Variants in ATP13A4 observed in about 807,000 individuals in gnomAD.
ATP13A4 encodes the protein probable cation-transporting ATPase 13A4.
Under a neutral mutation model 142.5 loss-of-function variants are expected in ATP13A4, and 114 were observed. The observed-to-expected ratio is 0.80, with a 90% CI of 0.69 to 0.93. The LOEUF (loss-of-function observed/expected upper bound fraction) is 0.93. Ranked by LOEUF, ATP13A4 falls within the 40% of genes least tolerant of loss-of-function variation. ATP13A4 has a pLI of 0.00. For missense variants in ATP13A4, 1,392 were observed against 1,454.0 expected (o/e 0.96, Z 0.69); for synonymous variants, 488 against 514.8 (o/e 0.95, Z 0.70).
In ATP13A4 at chr3:193,464,774, C is replaced by T. The variant is rs191848878; in HGVS notation, c.1461+166G>A. Among the ~76,000 whole-genome samples the T allele has an allele frequency of 2.3e-4, 35 of 152,224 alleles. No individual in the cohort carries two copies. The South Asian group carries it at 3.7e-3, about 16-fold the overall frequency. On this transcript the variant is annotated intron_variant, in intron 12 of 29. Coordinates refer to ENST00000342695, the MANE Select transcript of ATP13A4 (RefSeq NM_032279.4). ...CTTCTCCTCTAAACCTTGGACTCTG[C>T]GAGCTCAAGAGACATATCTTTCCCA... is the stretch of plus-strand genomic sequence containing the variant.
At chr3:193,431,811 T>C (rs976097620) in intron 25 of ATP13A4, among the ~76,000 whole-genome samples, 1 of 151,708 alleles carries the variant, frequency 6.6e-6, no homozygotes, top group Non-Finnish European at 1.5e-5. Context: ...AATATATATG[T>C]ATATTCAAAC....
rs1305042659 is a variant in ATP13A4, at chr3:193,467,404, G to A, written c.1026C>T (p.Tyr342=). The change falls in exon 10 of 30, where the codon TAC becomes TAT. Residue 342 remains tyrosine, a synonymous_variant. Transcript: ENST00000342695. ...VPWKTQSEAD[Y]KRHVLFCGTE... ...TTCCACAGAAGAGGACATGCCGCTTGTAATCCGCTTCACTCTGTGTTTTCC... is the reference window on the plus strand; with the variant it reads ...TTCCACAGAAGAGGACATGCCGCTTATAATCCGCTTCACTCTGTGTTTTCC... 1 of 1,614,072 alleles carries A rather than the reference G, an allele frequency of 6.2e-7. No individual in the cohort carries two copies. Among genetic ancestry groups the A allele is most frequent in the South Asian group, 1.1e-5 (1 of 91,078 alleles).
At chr3:193,537,927 T>C (rs1560267372) in intron 1 of ATP13A4, among the ~76,000 whole-genome samples, 1 of 152,160 alleles carries the variant, frequency 6.6e-6, no homozygotes, top group Non-Finnish European at 1.5e-5. Context: ...AGTAGATGCA[T>C]GTTTGCTGGG....
At chr3:193,583,427 G>A (rs563215765) in intron 1 of ATP13A4, among the ~76,000 whole-genome samples, 4 of 105,548 alleles carry the variant, frequency 3.8e-5, no homozygotes, top group South Asian at 5.6e-4. Flanking sequence ...ACTCCATCTC[G>A]AAAAACAAAA....
chr3:193,522,904 TATA>T (rs1332455942), intron 1 of ATP13A4, among the ~76,000 whole-genome samples: 1 of 152,222 alleles, frequency 6.6e-6, no homozygotes, highest in Non-Finnish European at 1.5e-5. Flanking sequence ...ATGTCTTTAG[TATA>T]ATAATAAATA....
intron 26 of ATP13A4, among the ~76,000 whole-genome samples, chr3:193,412,608 A>C (rs547035894): frequency 1.3e-3 from 199 of 151,788 alleles, no homozygotes; most frequent in African/African-American, 4.6e-3. Flanking sequence ...TTTTGGATAC[A>C]TTGAGAGAGA....
chr3:193,527,448 C>T (rs1432975774), intron 1 of ATP13A4, among the ~76,000 whole-genome samples: 4 of 152,004 alleles, frequency 2.6e-5, no homozygotes, highest in Non-Finnish European at 4.4e-5. Flanking sequence ...CCCGTCTCTA[C>T]TAAAAATACA....
At chr3:193,504,344 C>A (rs1270971748) in intron 2 of ATP13A4, among the ~76,000 whole-genome samples, 4 of 152,136 alleles carry the variant, frequency 2.6e-5, no homozygotes, top group African/African-American at 7.2e-5. Context: ...CACAGTTCAG[C>A]ATTATATAGC....
At chr3:193,587,570 T>C (rs1724693205) in intron 1 of ATP13A4, among the ~76,000 whole-genome samples, 1 of 152,354 alleles carries the variant, frequency 6.6e-6, no homozygotes. Flanking sequence ...TAAGATCTGA[T>C]ATCTGCACAG....
At chr3:193,531,328 A>AAGGAAGGG (rs1290126387) in intron 1 of ATP13A4, among the ~76,000 whole-genome samples, 1 of 117,680 alleles carries the variant, frequency 8.5e-6, no homozygotes, top group Non-Finnish European at 1.8e-5. Context: ...GGAAGGAAGG[A>AAGGAAGGG]AGGAAGGAAG....
upstream of ATP13A4, among the ~76,000 whole-genome samples, chr3:193,557,422 G>A (rs1338248014): frequency 6.6e-6 from 1 of 152,098 alleles, no homozygotes; most frequent in East Asian, 1.9e-4. Context: ...ACCAGAAACA[G>A]GGCTAGGTTG....
intron 3 of ATP13A4, among the ~76,000 whole-genome samples, chr3:193,501,419 C>T: frequency 6.6e-6 from 1 of 152,012 alleles, no homozygotes; most frequent in East Asian, 1.9e-4. Context: ...GAAATTCCGT[C>T]TCTACTGAAA....
Position 193,554,800 on chromosome 3 carries a change from G to A in ATP13A4, c.-1C>T, listed in dbSNP as rs143808160. 8 of 1,613,832 alleles carry A rather than the reference G, an allele frequency of 5.0e-6. No homozygotes were observed. The African/African-American group carries it at 6.7e-5, about 13-fold the overall frequency. ...GCTGGCCCTTCTCAAAGTGTCCCAT[G>A]AAAAAGTTATTCCACACCTCCTCCC... On this transcript the variant is annotated 5_prime_UTR_variant, in exon 1 of 30. Transcript: ENST00000342695.
At chr3:193,536,682 ACT>A (rs1722607125) in intron 1 of ATP13A4, among the ~76,000 whole-genome samples, 2 of 151,990 alleles carry the variant, frequency 1.3e-5, no homozygotes, top group Admixed American at 1.3e-4. Context: ...AATAAAACTT[ACT>A]CTGTTTACAT....
upstream of ATP13A4, among the ~76,000 whole-genome samples, chr3:193,557,802 C>T (rs1259030484): frequency 1.3e-5 from 2 of 152,168 alleles, no homozygotes; most frequent in Non-Finnish European, 2.9e-5. Context: ...TTGAGAAAGG[C>T]CTTGGAAAGA....
intron 2 of ATP13A4, chr3:193,579,492 A>AATATATATATATATATATATATATATAT (rs34635543): frequency 4.7e-5 from 7 of 149,832 alleles, no homozygotes; most frequent in East Asian, 1.9e-4. Context: ...TATGTATTGT[A>AATATATATATATATATATATATATATAT]ATATATATAT....
intron 25 of ATP13A4, among the ~76,000 whole-genome samples, chr3:193,427,924 G>A (rs537002655): frequency 9.7e-4 from 147 of 152,232 alleles, no homozygotes; most frequent in African/African-American, 3.4e-3. Context: ...GGCAACAAAA[G>A]CCAAAATTAA....
intron 2 of ATP13A4, among the ~76,000 whole-genome samples, chr3:193,511,268 C>T (rs1721126880): frequency 6.6e-6 from 1 of 152,114 alleles, no homozygotes; most frequent in Admixed American, 6.5e-5. Flanking sequence ...GTCAAGGATG[C>T]AAAGAAAGAG....
intron 1 of ATP13A4, chr3:193,554,395 A>G (rs1158292763): frequency 3.1e-5 from 11 of 358,904 alleles, no homozygotes; most frequent in Non-Finnish European, 4.8e-5. Context: ...GATTTCCTAA[A>G]ATTGTTAGGT....
Sources: allele counts gnomAD v4.1 joint callset (sites outside exome capture counted in the v4.1 genomes callset), GRCh38; gene constraint gnomAD v4.1.1; transcripts MANE v1.5; gene names NCBI Gene and HGNC (gene_info 2026-07-23, HGNC 2026-07-21).